The following SUGCT variants were observed in gnomAD, a reference collection of about 807,000 sequenced individuals.
The protein encoded by SUGCT is succinyl-CoA:glutarate CoA-transferase.
A neutral mutation model predicts 55.0 loss-of-function variants in SUGCT; 41 were observed. That is an observed-to-expected ratio of 0.74 (90% CI 0.58 to 0.97). SUGCT has a LOEUF of 0.97. SUGCT is among the 50% of genes least tolerant of loss of function. The pLI, the probability that SUGCT is intolerant of heterozygous loss-of-function variation, is 0.00. For missense variants in SUGCT, 568 were observed against 547.8 expected (o/e 1.04, Z -0.37); for synonymous variants, 187 against 200.4 (o/e 0.93, Z 0.56).
chr7:40,820,237 G>C (rs534325828), intron 13 of SUGCT, among the ~76,000 whole-genome samples: 2 of 152,108 alleles, frequency 1.3e-5, no homozygotes, highest in Non-Finnish European at 2.9e-5. Flanking sequence ...GGATCGTCTT[G>C]ACAATGTGGG....
At chr7:41,025,663 A>G in the SUGCT span, among the ~76,000 whole-genome samples, 2 of 152,198 alleles carry the variant, frequency 1.3e-5, no homozygotes, top group African/African-American at 2.4e-5. Flanking sequence ...CCACTGTAAG[A>G]ATATTTTAAA....
intron 12 of SUGCT, among the ~76,000 whole-genome samples, chr7:40,550,043 G>C (rs1795219973): frequency 6.6e-6 from 1 of 152,224 alleles, no homozygotes; most frequent in Non-Finnish European, 1.5e-5. Flanking sequence ...TGGAAGCTGA[G>C]AGAAGGGTTG....
the SUGCT span, among the ~76,000 whole-genome samples, chr7:40,949,600 A>G: frequency 0.33 from 49,500 of 152,128 alleles, 8,880 homozygotes; most frequent in Admixed American, 0.44. Flanking sequence ...CTACCATTTA[A>G]GTCTTTAATC....
chr7:40,990,209 G>A, the SUGCT span, among the ~76,000 whole-genome samples: 7 of 152,188 alleles, frequency 4.6e-5, no homozygotes, highest in Non-Finnish European at 8.8e-5. Flanking sequence ...GTGTTAGCAG[G>A]CACAAAAACG....
chr7:40,854,318 TCTC>T (rs893273171), intron 13 of SUGCT, among the ~76,000 whole-genome samples: 1 of 152,180 alleles, frequency 6.6e-6, no homozygotes, highest in African/African-American at 2.4e-5. Flanking sequence ...TTTTATTGGC[TCTC>T]CAGGTCTGAG....
At chr7:40,511,424 A>G (rs1792924755) in intron 12 of SUGCT, among the ~76,000 whole-genome samples, 1 of 152,158 alleles carries the variant, frequency 6.6e-6, no homozygotes, top group Non-Finnish European at 1.5e-5. Flanking sequence ...GCTGTGTGGG[A>G]TCCTAGATTG....
chr7:40,471,590 A>G (rs1167579625), intron 11 of SUGCT, among the ~76,000 whole-genome samples: 2 of 152,076 alleles, frequency 1.3e-5, no homozygotes, highest in Non-Finnish European at 2.9e-5. Flanking sequence ...ACTAAATATT[A>G]TAGTGAAGAT....
At position 40,193,280 on chromosome 7, in the gene SUGCT, G is replaced by GTTTTT. The variant is rs752659107; in HGVS notation, c.364-1642_364-1638dup. Among the ~76,000 whole-genome samples the GTTTTT allele has an allele frequency of 2.6e-3, 227 of 87,152 alleles. 10 individuals carry two copies. The highest frequency in any genetic ancestry group is 6.5e-3 in the African/African-American group (138 of 21,126). The allele number at this position is 87,152 out of a possible 152,430, so 57.2% of individuals were successfully genotyped here. On this transcript the variant is annotated intron_variant, in intron 5 of 13. Transcript: ENST00000335693. The stretch of plus-strand genomic sequence containing the variant: ...GCTATTTGGCCTGGCCAATTACTGT[G>GTTTTT]TTTTTTTTTTTTTTTTTTTTTTGAG...
At chr7:40,867,930 C>G in the SUGCT span, among the ~76,000 whole-genome samples, 1 of 152,134 alleles carries the variant, frequency 6.6e-6, no homozygotes, top group African/African-American at 2.4e-5. Flanking sequence ...ACTATTGTAT[C>G]TCCAGTTGTT....
intron 12 of SUGCT, among the ~76,000 whole-genome samples, chr7:40,653,479 A>G (rs1174538853): frequency 6.6e-6 from 1 of 152,198 alleles, no homozygotes; most frequent in Admixed American, 6.5e-5. Flanking sequence ...CTACTCTGTG[A>G]CAGTTGTATA....
the SUGCT span, among the ~76,000 whole-genome samples, chr7:41,016,852 G>C: frequency 6.6e-6 from 1 of 152,156 alleles, no homozygotes; most frequent in Non-Finnish European, 1.5e-5. Context: ...TCAGCCTACA[G>C]CTGTTCCTTA....
intron 1 of SUGCT, among the ~76,000 whole-genome samples, chr7:40,147,164 C>T (rs1420348674): frequency 6.6e-6 from 1 of 152,074 alleles, no homozygotes; most frequent in Non-Finnish European, 1.5e-5. Context: ...CCTTCCCCTT[C>T]CGCTAGGGGA....
chr7:40,450,582 C>T (rs540782187), intron 10 of SUGCT, among the ~76,000 whole-genome samples: 2 of 152,084 alleles, frequency 1.3e-5, no homozygotes, highest in African/African-American at 4.8e-5. Flanking sequence ...CTCGACCAGC[C>T]TGAGCAACAA....
intron 12 of SUGCT, among the ~76,000 whole-genome samples, chr7:40,656,284 T>C (rs1469456937): frequency 6.6e-6 from 1 of 151,604 alleles, no homozygotes; most frequent in East Asian, 1.9e-4. Flanking sequence ...GATTTGACCC[T>C]AACACACTAA....
chr7:40,555,135 A>G (rs892113154), intron 12 of SUGCT, among the ~76,000 whole-genome samples: 8 of 152,144 alleles, frequency 5.3e-5, no homozygotes, highest in African/African-American at 1.4e-4. Context: ...TTGACCAGTC[A>G]TTTTATGAGG....
At chr7:40,197,427 T>C (rs1474706192) in intron 6 of SUGCT, among the ~76,000 whole-genome samples, 1 of 152,230 alleles carries the variant, frequency 6.6e-6, no homozygotes, top group Non-Finnish European at 1.5e-5. Flanking sequence ...AAATGCTATA[T>C]GACAATAAGC....
intron 9 of SUGCT, among the ~76,000 whole-genome samples, chr7:40,345,940 CTTGTTTGTTT>C (rs1797282901): frequency 6.6e-6 from 1 of 150,590 alleles, no homozygotes; most frequent in South Asian, 2.1e-4. Flanking sequence ...CTATATTGTT[CTTGTTTGTTT>C]TTGTTTTTTT....
chr7:40,850,114 C>T (rs1029185772), intron 13 of SUGCT, among the ~76,000 whole-genome samples: 5 of 152,140 alleles, frequency 3.3e-5, no homozygotes, highest in Admixed American at 6.5e-5. Flanking sequence ...TGGCTCTCTT[C>T]GCGTTCTACT....
chr7:40,544,373 A>T (rs1190208995), intron 12 of SUGCT, among the ~76,000 whole-genome samples: 1 of 152,050 alleles, frequency 6.6e-6, no homozygotes, highest in East Asian at 1.9e-4. Flanking sequence ...GAGAGGTAGC[A>T]TTTTCTTTAG....
Sources: allele counts gnomAD v4.1 joint callset (sites outside exome capture counted in the v4.1 genomes callset), GRCh38; gene constraint gnomAD v4.1.1; transcripts MANE v1.5; gene names NCBI Gene and HGNC (gene_info 2026-07-23, HGNC 2026-07-21).